TPO: variants seen among roughly 807,000 people sequenced by gnomAD.
The protein encoded by TPO is thyroid microsomal antigen.
Under a neutral mutation model 96.9 loss-of-function variants are expected in TPO, and 78 were observed. That is an observed-to-expected ratio of 0.81 (90% confidence interval 0.67 to 0.97). The LOEUF (loss-of-function observed/expected upper bound fraction) is 0.97, where lower values mean the gene tolerates loss of function less well. Among genes scored for constraint, TPO ranks in the 50% least tolerant of loss-of-function variants. The probability of loss-of-function intolerance (pLI) is 0.00; values close to 1 mark genes in which losing one functional copy is unlikely to be tolerated. For missense variants in TPO, 1,252 were observed against 1,274.8 expected (o/e 0.98, Z 0.27); for synonymous variants, 547 against 538.0 (o/e 1.02, Z -0.23).
intron 1 of TPO, among the ~76,000 whole-genome samples, chr2:1,405,555 C>A (rs955637179): frequency 6.6e-6 from 1 of 152,002 alleles, no homozygotes; most frequent in African/African-American, 2.4e-5. Context: ...CAGAACCCAC[C>A]CCACTCTCCC....
chr2:1,439,128 G>T, intron 5 of TPO: 1 of 385,772 alleles, frequency 2.6e-6, no homozygotes. Context: ...GTTCCTGCTC[G>T]GCCCTTCTGA....
intron 15 of TPO, among the ~76,000 whole-genome samples, chr2:1,521,066 C>T (rs903583584): frequency 3.3e-5 from 5 of 152,168 alleles, no homozygotes; most frequent in Admixed American, 1.3e-4. Context: ...TTTTCCTTGT[C>T]GTTGATAAAC....
intron 2 of TPO, among the ~76,000 whole-genome samples, chr2:1,421,640 T>C (rs1022820558): frequency 3.3e-5 from 5 of 152,156 alleles, no homozygotes; most frequent in African/African-American, 9.7e-5. Context: ...GCAGTGGGTT[T>C]AGAAGGAAAT....
Position 1,435,708 on chromosome 2 carries a change from C to T in TPO, c.350-544C>T, listed in dbSNP as rs183167957. 9.5e-4 allele frequency among the ~76,000 whole-genome samples: 145 copies of T among 152,204 alleles called. 1 individual carries two copies. Among genetic ancestry groups the T allele is most frequent in the African/African-American group, 3.3e-3 (136 of 41,518 alleles). On this transcript the variant is annotated intron_variant, in intron 4 of 16. Transcript: ENST00000329066. ...AACAGGAAATTGTTTCCTGGGTTCT[C>T]GTCTCATCTGGAAAGATTTACAAGG...
intron 15 of TPO, among the ~76,000 whole-genome samples, chr2:1,535,077 G>T: frequency 1.3e-5 from 1 of 75,530 alleles, no homozygotes; most frequent in Admixed American, 2.0e-4. Context: ...CCCACTCTGT[G>T]CACCTTCCCC....
intron 1 of TPO, among the ~76,000 whole-genome samples, chr2:1,394,665 T>C (rs73165386): frequency 0.037 from 5,618 of 152,308 alleles, 351 homozygotes; most frequent in African/African-American, 0.13. Flanking sequence ...TCAGGGCCAC[T>C]GTCCTGGACG....
At chr2:1,440,169 T>G (rs888739482) in intron 5 of TPO, among the ~76,000 whole-genome samples, 1 of 148,966 alleles carries the variant, frequency 6.7e-6, no homozygotes, top group Admixed American at 6.6e-5. Flanking sequence ...GTTTCCACCG[T>G]GCTGCGTTTC....
At chr2:1,387,195 GT>G (rs1661914563) in intron 1 of TPO, among the ~76,000 whole-genome samples, 1 of 152,074 alleles carries the variant, frequency 6.6e-6, no homozygotes, top group Non-Finnish European at 1.5e-5. Flanking sequence ...GTGTCTTGGA[GT>G]TGCTCTTCTC....
intron 7 of TPO, among the ~76,000 whole-genome samples, chr2:1,465,704 T>C (rs1360088817): frequency 6.6e-6 from 1 of 152,206 alleles, no homozygotes; most frequent in Non-Finnish European, 1.5e-5. Context: ...GCTTGGTTGC[T>C]GTTGGCGTAT....
intron 8 of TPO, among the ~76,000 whole-genome samples, chr2:1,481,010 C>T (rs371672339): frequency 5.0e-4 from 76 of 151,904 alleles, no homozygotes; most frequent in African/African-American, 1.7e-3. Flanking sequence ...TGCAGGGCCG[C>T]CCTCTGTGCT....
At chr2:1,530,883 C>T (rs1268548995) in intron 15 of TPO, among the ~76,000 whole-genome samples, 15 of 125,526 alleles carry the variant, frequency 1.2e-4, no homozygotes, top group African/African-American at 4.4e-4. Context: ...TCCGCAAATC[C>T]CCCCACTGTG....
At chr2:1,537,266 G>C (rs1429278619) in intron 15 of TPO, among the ~76,000 whole-genome samples, 5 of 75,234 alleles carry the variant, frequency 6.6e-5, no homozygotes, top group Admixed American at 1.9e-4. Flanking sequence ...TCCCCCCACT[G>C]TGTGCAACCT....
At chr2:1,476,223 AC>A (rs1553314761) in intron 7 of TPO, among the ~76,000 whole-genome samples, 1 of 152,058 alleles carries the variant, frequency 6.6e-6, no homozygotes, top group Non-Finnish European at 1.5e-5. Flanking sequence ...AATCTGTCCA[AC>A]CCCGGTGATC....
At chr2:1,502,415 A>T (rs142844793) in intron 13 of TPO, among the ~76,000 whole-genome samples, 247 of 152,230 alleles carry the variant, frequency 1.6e-3, no homozygotes, top group Middle Eastern at 0.01. Flanking sequence ...TTTGAGACAG[A>T]GTCTCACTCT....
intron 1 of TPO, among the ~76,000 whole-genome samples, chr2:1,397,824 C>G (rs1028549303): frequency 6.6e-6 from 1 of 152,158 alleles, no homozygotes; most frequent in Admixed American, 6.5e-5. Flanking sequence ...TGCACAACCC[C>G]CGATGTTGTC....
chr2:1,480,331 C>T lies in TPO; in HGVS notation c.1338+2727C>T, dbSNP rs116311700. On this transcript the variant is annotated intron_variant, in intron 8 of 16. Transcript: ENST00000329066. The stretch of plus-strand genomic sequence containing the variant: ...CATTAAAATAATAAGTTGTGTTTAA[C>T]GTGTCGATAGAGCCACTGCTGCGAC... Among the ~76,000 whole-genome samples the T allele has an allele frequency of 1.2e-3, 175 of 152,054 alleles. 2 individuals carry two copies. Among genetic ancestry groups the T allele is most frequent in the African/African-American group, 4.0e-3 (166 of 41,460 alleles).
chr2:1,535,324 A>C (rs1679359601), intron 15 of TPO, among the ~76,000 whole-genome samples: 2 of 21,096 alleles, frequency 9.5e-5, no homozygotes, highest in African/African-American at 1.5e-4. Context: ...ACCTCCTCAA[A>C]TCCCCCCCAC....
At chr2:1,474,588 C>A (rs1669725820) in intron 7 of TPO, among the ~76,000 whole-genome samples, 1 of 152,216 alleles carries the variant, frequency 6.6e-6, no homozygotes, top group South Asian at 2.1e-4. Context: ...TTTCTGATCA[C>A]CTTGTCTATC....
intron 7 of TPO, among the ~76,000 whole-genome samples, chr2:1,457,199 G>A (rs74531845): frequency 3.6e-3 from 94 of 26,274 alleles, no homozygotes; most frequent in Admixed American, 5.0e-3. Context: ...ACACATATAT[G>A]TAGCATGTAT....
Sources: allele counts gnomAD v4.1 joint callset (sites outside exome capture counted in the v4.1 genomes callset), GRCh38; gene constraint gnomAD v4.1.1; transcripts MANE v1.5; gene names NCBI Gene and HGNC (gene_info 2026-07-23, HGNC 2026-07-21).